Variants in ADAM12 observed in about 807,000 individuals in gnomAD.
The protein encoded by ADAM12 is disintegrin and metalloproteinase domain-containing protein 12.
ADAM12 carries 70 observed loss-of-function variants against 106.4 expected under a neutral mutation model. That is an observed-to-expected ratio of 0.66 (90% CI 0.54 to 0.80). The LOEUF is 0.80. Ranked by LOEUF, ADAM12 falls within the 30% of genes least tolerant of loss-of-function variation. The pLI, the probability that ADAM12 is intolerant of heterozygous loss-of-function variation, is 0.00. For synonymous variants in ADAM12, 420 were observed against 433.5 expected, an observed-to-expected ratio of 0.97 and a Z score of 0.39; for missense variants, 1,010 against 1,171.9, an observed-to-expected ratio of 0.86 and a Z score of 2.02.
intron 3 of ADAM12, among the ~76,000 whole-genome samples, chr10:126,244,264 T>G (rs771378534): frequency 6.6e-6 from 1 of 152,188 alleles, no homozygotes; most frequent in East Asian, 1.9e-4. Context: ...TACAGAACTC[T>G]GAGAGATCAG....
intron 3 of ADAM12, among the ~76,000 whole-genome samples, chr10:126,218,119 G>A (rs1958022123): frequency 1.3e-5 from 2 of 151,034 alleles, no homozygotes; most frequent in Non-Finnish European, 2.9e-5. Flanking sequence ...TGACATGATT[G>A]TGATTATAAT....
intron 9 of ADAM12, among the ~76,000 whole-genome samples, chr10:126,100,090 CT>C (rs1419954730): frequency 6.6e-6 from 1 of 151,936 alleles, no homozygotes; most frequent in Non-Finnish European, 1.5e-5. Context: ...TGAAATTGTC[CT>C]CTTTATTGTT....
At chr10:126,294,298 A>G (rs1466932054) in intron 2 of ADAM12, among the ~76,000 whole-genome samples, 1 of 152,176 alleles carries the variant, frequency 6.6e-6, no homozygotes, top group Non-Finnish European at 1.5e-5. Flanking sequence ...CACCCTTAAC[A>G]CAGATGAATT....
chr10:126,081,412 A>G (rs1309664684), intron 11 of ADAM12, among the ~76,000 whole-genome samples: 1 of 152,212 alleles, frequency 6.6e-6, no homozygotes, highest in Non-Finnish European at 1.5e-5. Context: ...AAACAACCTC[A>G]TATCGTCCAC....
chr10:126,148,102 G>C (rs1590502659), intron 4 of ADAM12, among the ~76,000 whole-genome samples: 1 of 151,736 alleles, frequency 6.6e-6, no homozygotes, highest in Admixed American at 6.6e-5. Context: ...AAAGGATAAA[G>C]CCACAAATAT....
intron 1 of ADAM12, among the ~76,000 whole-genome samples, chr10:126,352,892 T>C (rs1206119168): frequency 1.3e-5 from 2 of 152,194 alleles, no homozygotes; most frequent in Non-Finnish European, 2.9e-5. Context: ...TCCCAGGGAA[T>C]GGTTTCAGTG....
intron 8 of ADAM12, among the ~76,000 whole-genome samples, chr10:126,105,426 A>C (rs3824638): frequency 0.014 from 2,184 of 152,238 alleles, 49 homozygotes; most frequent in East Asian, 0.06. Context: ...CAGTCTGAGG[A>C]TAGCCTGAGG....
intron 6 of ADAM12, among the ~76,000 whole-genome samples, chr10:126,116,101 C>T (rs1197467608): frequency 1.3e-5 from 2 of 152,204 alleles, no homozygotes; most frequent in Non-Finnish European, 2.9e-5. Context: ...CATTTCTCCA[C>T]AAGTCAAAAT....
chr10:126,283,175 G>A (rs748206616), intron 2 of ADAM12, among the ~76,000 whole-genome samples: 6 of 152,152 alleles, frequency 3.9e-5, no homozygotes, highest in Non-Finnish European at 8.8e-5. Flanking sequence ...TCTGACGGGA[G>A]GCGGAACTCA....
At chr10:126,101,428 T>C (rs570563704) in intron 8 of ADAM12, among the ~76,000 whole-genome samples, 187 bp from the exon 9 acceptor site, 3 of 152,248 alleles carry the variant, frequency 2.0e-5, no homozygotes, top group Non-Finnish European at 4.4e-5. Context: ...CAAAGTGATG[T>C]GTTAACTAGG....
chr10:126,043,111 T>G lies in ADAM12; in HGVS notation c.2033A>C (p.His678Pro), dbSNP rs1296194891. 6.2e-7 allele frequency: 1 copy of G among 1,614,172 alleles called. No individual in the cohort carries two copies. Among genetic ancestry groups the G allele is most frequent in the South Asian group, 1.1e-5 (1 of 91,080 alleles). Residue 678 changes from histidine (H) to proline (P), a missense_variant, in exon 18 of 23, where the codon CAC (histidine) becomes CCC (proline). Around this residue, in one of 3 missense-constraint regions of ADAM12, gnomAD observed 615 missense variants for 708.5 expected, o/e 0.87. Transcript: ENST00000448723. This position sits in a 1 kb window ranked among gnomAD's most constrained non-coding sequence, Gnocchi z 4.1. ...NNRKNCHCEAHWAPPFCDKFG... is the reference protein window; with the variant it reads ...NNRKNCHCEAPWAPPFCDKFG... ...CTTGTCACAGAAGGGAGGTGCCCAGTGGGCCTCGCAGTGGCAGTTCTTCCT... is the reference window on the plus strand; with the variant it reads ...CTTGTCACAGAAGGGAGGTGCCCAGGGGGCCTCGCAGTGGCAGTTCTTCCT...
At chr10:126,019,433 G>C (rs2133372127) in intron 22 of ADAM12, among the ~76,000 whole-genome samples, 1 of 152,334 alleles carries the variant, frequency 6.6e-6, no homozygotes, top group East Asian at 1.9e-4. Context: ...CTGAGGTACT[G>C]TAGTTTTATG....
At chr10:126,349,111 T>C (rs958617461) in intron 1 of ADAM12, among the ~76,000 whole-genome samples, 1 of 152,200 alleles carries the variant, frequency 6.6e-6, no homozygotes, top group Non-Finnish European at 1.5e-5. Flanking sequence ...AGCACTATTT[T>C]CTATGGCACA....
intron 11 of ADAM12, among the ~76,000 whole-genome samples, chr10:126,092,296 G>T (rs999153869): frequency 1.3e-5 from 2 of 152,148 alleles, no homozygotes; most frequent in Non-Finnish European, 2.9e-5. Context: ...GAGAAAACAC[G>T]AAGGCCACTC....
chr10:126,305,353 G>A (rs1430989493), intron 2 of ADAM12, among the ~76,000 whole-genome samples: 1 of 152,006 alleles, frequency 6.6e-6, no homozygotes, highest in Non-Finnish European at 1.5e-5. Context: ...ATCAAAAGGA[G>A]CCAGACACAA....
At chr10:126,147,879 C>T (rs764754993) in intron 4 of ADAM12, among the ~76,000 whole-genome samples, 3 of 152,190 alleles carry the variant, frequency 2.0e-5, no homozygotes, top group South Asian at 2.1e-4. Context: ...ATGGTACCTG[C>T]GTAGTGCAGG....
intron 4 of ADAM12, among the ~76,000 whole-genome samples, chr10:126,149,102 G>A (rs1220717226): frequency 1.3e-5 from 2 of 152,166 alleles, no homozygotes; most frequent in Non-Finnish European, 2.9e-5. Flanking sequence ...GGGAAGACGA[G>A]GGGAATGGAG....
chr10:126,196,856 G>T (rs1391734025), intron 3 of ADAM12, among the ~76,000 whole-genome samples: 3 of 151,986 alleles, frequency 2.0e-5, no homozygotes, highest in Non-Finnish European at 4.4e-5. Context: ...TAAAAAAAAA[G>T]TGGGGAATTT....
intron 4 of ADAM12, among the ~76,000 whole-genome samples, chr10:126,135,942 C>T (rs1403484727): frequency 7.9e-5 from 12 of 152,204 alleles, no homozygotes. Context: ...GAACGTTTTA[C>T]AAAATCCAGC....
Sources: gnomAD v4.1 joint callset for allele counts (sites outside exome capture counted in the v4.1 genomes callset) on GRCh38, gnomAD v4.1.1 for gene constraint, gnomAD v4.1.1 regional missense constraint, Gnocchi (gnomAD v3.1) non-coding constraint, MANE v1.5 for transcripts, NCBI Gene and HGNC (gene_info 2026-07-23, HGNC 2026-07-21) for gene names.